GPR137C: variants seen among roughly 807,000 people sequenced by gnomAD.
GPR137C encodes the protein integral membrane protein GPR137C.
In GPR137C, 27 loss-of-function variants were observed where a neutral mutation model predicts 43.4. That is an observed-to-expected ratio of 0.62 (90% CI 0.46 to 0.86). The LOEUF (loss-of-function observed/expected upper bound fraction) is 0.86. Among genes scored for constraint, GPR137C ranks in the 40% least tolerant of loss-of-function variants. The pLI is 0.00. For synonymous variants in GPR137C, 285 were observed against 226.9 expected, an observed-to-expected ratio of 1.26 and a Z score of -2.30; for missense variants, 522 against 534.6, an observed-to-expected ratio of 0.98 and a Z score of 0.23.
intron 3 of GPR137C, among the ~76,000 whole-genome samples, chr14:52,624,356 A>T (rs927093500): frequency 2.0e-5 from 3 of 152,170 alleles, no homozygotes; most frequent in African/African-American, 7.2e-5. Context: ...AATATATTAG[A>T]ACATAAGGAT....
At position 52,576,429 on chromosome 14, in the gene GPR137C, A is replaced by G. The variant is rs999834957; in HGVS notation, c.445-21843A>G. ...TTATGAATAGTGCTGTGATAAATAT[A>G]GAGTGAAGGTGTCTTTTTGATATAA... On this transcript the variant is annotated intron_variant, in intron 1 of 6. Coordinates refer to ENST00000321662, the MANE Select transcript of GPR137C (RefSeq NM_001099652.2). Among the ~76,000 whole-genome samples, 5 of 152,230 alleles carry G rather than the reference A, an allele frequency of 3.3e-5. 1 individual carries two copies. Among genetic ancestry groups the G allele is most frequent in the Admixed American group, 1.3e-4 (2 of 15,282 alleles).
intron 1 of GPR137C, among the ~76,000 whole-genome samples, chr14:52,580,126 C>T (rs1037744563): frequency 1.3e-5 from 2 of 152,142 alleles, no homozygotes; most frequent in African/African-American, 4.8e-5. Context: ...TTCCAACATT[C>T]ATTATTGCAG....
chr14:52,594,689 T>C (rs1387053074), intron 1 of GPR137C, among the ~76,000 whole-genome samples: 3 of 151,966 alleles, frequency 2.0e-5, no homozygotes, highest in Non-Finnish European at 4.4e-5. Context: ...CCTCCATCCC[T>C]TTTTTTTGAG....
At chr14:52,595,360 G>C (rs1188331722) in intron 1 of GPR137C, among the ~76,000 whole-genome samples, 5 of 152,088 alleles carry the variant, frequency 3.3e-5, no homozygotes, top group Non-Finnish European at 7.4e-5. Context: ...TTTGAATGTT[G>C]GCCTGCCTTG....
At chr14:52,629,308 A>G (rs2039266754) in intron 3 of GPR137C, among the ~76,000 whole-genome samples, 1 of 152,240 alleles carries the variant, frequency 6.6e-6, no homozygotes, top group African/African-American at 2.4e-5. Context: ...CCACAAAACT[A>G]TTTGTACAAG....
At chr14:52,612,202 G>T in intron 3 of GPR137C, 1 of 983,892 alleles carries the variant, frequency 1.0e-6, no homozygotes. Flanking sequence ...GTTCTAAACA[G>T]CCGTAGTGTC....
intron 1 of GPR137C, among the ~76,000 whole-genome samples, chr14:52,557,709 T>G (rs1046889062): frequency 3.3e-5 from 5 of 152,222 alleles, no homozygotes; most frequent in African/African-American, 1.2e-4. Flanking sequence ...TCAAAGCACT[T>G]TGTAACATTT....
At chr14:52,625,250 G>A (rs976332296) in intron 3 of GPR137C, among the ~76,000 whole-genome samples, 2 of 152,034 alleles carry the variant, frequency 1.3e-5, no homozygotes, top group African/African-American at 4.8e-5. Context: ...TCGGGAAGCC[G>A]AGGCGGGTGG....
At position 52,637,544 on chromosome 14, in the gene GPR137C, C is replaced by G. The variant is rs1327575091; in HGVS notation, c.*2429C>G. The G allele has an allele frequency of 6.6e-6, 1 of 152,058 alleles. No individual in the cohort carries two copies. Among genetic ancestry groups the G allele is most frequent in the East Asian group, 1.9e-4 (1 of 5,198 alleles). 9.4% of individuals were successfully genotyped at this position (152,058 alleles called of 1,614,324 possible). ...AAAATGTAATTTATAGCTAAAGTGG[C>G]TTTTTTATGCATAGCTGCCTTTTTT... On this transcript the variant is annotated 3_prime_UTR_variant, in exon 7 of 7. Transcript: ENST00000321662.
intron 1 of GPR137C, among the ~76,000 whole-genome samples, chr14:52,577,542 G>A (rs972027446): frequency 2.8e-5 from 3 of 108,132 alleles, no homozygotes; most frequent in Non-Finnish European, 6.1e-5. Flanking sequence ...ACACACACAC[G>A]ATCAATGAAA....
At chr14:52,554,151 TTCCCCAGCA>T (rs2038152412) in intron 1 of GPR137C, among the ~76,000 whole-genome samples, 2 of 152,222 alleles carry the variant, frequency 1.3e-5, no homozygotes, top group African/African-American at 4.8e-5. Flanking sequence ...CGTTCGATAG[TTCCCCAGCA>T]GGGTTGATGA....
At chr14:52,581,780 C>T (rs961914378) in intron 1 of GPR137C, among the ~76,000 whole-genome samples, 2 of 152,102 alleles carry the variant, frequency 1.3e-5, no homozygotes, top group African/African-American at 2.4e-5. Flanking sequence ...ATTATGTTTA[C>T]CACAATTCAT....
chr14:52,568,704 G>A (rs1021327120), intron 1 of GPR137C, among the ~76,000 whole-genome samples: 32 of 152,218 alleles, frequency 2.1e-4, no homozygotes, highest in Non-Finnish European at 1.5e-4. Flanking sequence ...GGAGCCAACC[G>A]CAGCTCAGCA....
intron 6 of GPR137C, 48 bp downstream of exon 6, chr14:52,633,994 G>GA (rs768902339): frequency 8.0e-6 from 9 of 1,129,008 alleles, no homozygotes; most frequent in South Asian, 1.3e-5. Flanking sequence ...GAAATTGATT[G>GA]AAAAAAACAA....
At chr14:52,602,927 C>T (rs948568394) in intron 3 of GPR137C, among the ~76,000 whole-genome samples, 10 of 152,082 alleles carry the variant, frequency 6.6e-5, no homozygotes, top group African/African-American at 2.4e-4. Flanking sequence ...ATTGGGATAT[C>T]ATCACCTCAA....
At chr14:52,630,072 C>A (rs891019742) in intron 3 of GPR137C, among the ~76,000 whole-genome samples, 3 of 152,056 alleles carry the variant, frequency 2.0e-5, no homozygotes, top group Non-Finnish European at 2.9e-5. Flanking sequence ...CCTTATTTTT[C>A]ATTTTGTAAT....
chr14:52,618,430 G>A (rs2039123494), intron 3 of GPR137C, among the ~76,000 whole-genome samples: 1 of 152,076 alleles, frequency 6.6e-6, no homozygotes, highest in South Asian at 2.1e-4. Context: ...CTTAGGCAAA[G>A]TTTTATGGAG....
intron 6 of GPR137C, 122 bp from the exon 7 acceptor site, chr14:52,634,816 T>C: frequency 1.3e-6 from 1 of 750,766 alleles, no homozygotes; most frequent in Non-Finnish European, 2.2e-6. Context: ...ACAAAGAACA[T>C]ATTTCAATGT....
At chr14:52,620,608 C>T (rs1594806027) in intron 3 of GPR137C, among the ~76,000 whole-genome samples, 1 of 150,580 alleles carries the variant, frequency 6.6e-6, no homozygotes, top group Admixed American at 6.6e-5. Context: ...AAGACAACCC[C>T]ACCACCACCA....
Sources: allele counts gnomAD v4.1 joint callset (sites outside exome capture counted in the v4.1 genomes callset), GRCh38; gene constraint gnomAD v4.1.1; transcripts MANE v1.5; gene names NCBI Gene and HGNC (gene_info 2026-07-23, HGNC 2026-07-21).